PCDHGA4: variants seen among roughly 807,000 people sequenced by gnomAD.
PCDHGA4 encodes protocadherin gamma-A4.
Under a neutral mutation model 54.6 loss-of-function variants are expected in PCDHGA4, and 38 were observed. The ratio of observed to expected loss-of-function variants is 0.70; its 90% CI spans 0.54 to 0.91. PCDHGA4 has a LOEUF of 0.91. PCDHGA4 is among the 40% of genes least tolerant of loss of function. PCDHGA4 has a pLI of 0.00. For synonymous variants in PCDHGA4, 511 were observed against 512.9 expected, an observed-to-expected ratio of 1.00 and a Z score of 0.05; for missense variants, 1,298 against 1,220.9, an observed-to-expected ratio of 1.06 and a Z score of -0.94.
At chr5:141,482,852 A>G (rs1237049208) in intron 1 of PCDHGA4, among the ~76,000 whole-genome samples, 1 of 144,420 alleles carries the variant, frequency 6.9e-6, no homozygotes, top group Non-Finnish European at 1.5e-5. Flanking sequence ...TGGGCAGATC[A>G]CTTGAGGTCA....
Position 141,485,447 on chromosome 5 carries a change from C to G in PCDHGA4, c.2515-9360C>G, listed in dbSNP as rs1233800346. 6.2e-7 allele frequency: 1 copy of G among 1,614,144 alleles called. No individual in the cohort carries two copies. The highest frequency in any genetic ancestry group is 8.5e-7 in the Non-Finnish European group (1 of 1,180,036). On this transcript the variant is annotated intron_variant, in intron 1 of 3. Transcript: ENST00000571252. This position sits in a 1 kb window ranked among gnomAD's most constrained non-coding sequence, Gnocchi z 5.7. ...CCTGCTCATCAAGAACCCAATCGAC[C>G]GAGAGGCACTGTGTGGGCTCAGTGC... is the stretch of plus-strand genomic sequence containing the variant.
intron 1 of PCDHGA4, among the ~76,000 whole-genome samples, chr5:141,479,935 A>C (rs1226362422): frequency 1.3e-5 from 2 of 152,232 alleles, no homozygotes. Context: ...CATCATTGCT[A>C]TCAACTCTTG....
chr5:141,384,870 C>T lies in PCDHGA4; in HGVS notation c.2514+27249C>T, dbSNP rs573213865. 2.6e-5 allele frequency: 42 copies of T among 1,613,806 alleles called. No homozygotes were observed. The Admixed American group carries it at 4.7e-4, about 18-fold the overall frequency. Reference sequence around the variant, plus strand: ...ACGGTCAGCCTCCTCTGTCAGCCACCGTCACACTCACCGTGGCTGTGGCTG... The same window carrying T: ...ACGGTCAGCCTCCTCTGTCAGCCACTGTCACACTCACCGTGGCTGTGGCTG... On this transcript the variant is annotated intron_variant, in intron 1 of 3. Coordinates refer to ENST00000571252, the MANE Select transcript of PCDHGA4 (RefSeq NM_018917.4).
Position 141,432,771 on chromosome 5 carries a change from T to G in PCDHGA4, c.2515-62036T>G. The G allele has an allele frequency of 6.2e-7, 1 of 1,614,006 alleles. No homozygotes were observed. The highest frequency in any genetic ancestry group is 8.5e-7 in the Non-Finnish European group (1 of 1,179,966). On this transcript the variant is annotated intron_variant, in intron 1 of 3. Coordinates refer to ENST00000571252, the MANE Select transcript of PCDHGA4 (RefSeq NM_018917.4). This position sits in a 1 kb window ranked among gnomAD's most constrained non-coding sequence, Gnocchi z 6.0. ...GCCGTGGCCGACAGCATCCCCCAAG[T>G]CCTGGCGGACCTCGGCAGCCTCGAG...
At chr5:141,484,880 T>G (rs1258072805) in intron 1 of PCDHGA4, 3 of 336,846 alleles carry the variant, frequency 8.9e-6, no homozygotes, top group Admixed American at 9.2e-5. Flanking sequence ...GAGGATAGGG[T>G]GGGCTTTTTC....
chr5:141,462,652 A>T (rs201168659), intron 1 of PCDHGA4, among the ~76,000 whole-genome samples: 1 of 80,348 alleles, frequency 1.2e-5, no homozygotes, highest in African/African-American at 7.4e-5. Flanking sequence ...TTCCATCCTC[A>T]ATTATCTTCA....
At chr5:141,371,659 T>A (rs762117464) in intron 1 of PCDHGA4, 4 of 1,613,850 alleles carry the variant, frequency 2.5e-6, no homozygotes. Flanking sequence ...AATGTGACGA[T>A]CACAGCTACC....
rs763187246 is a variant in PCDHGA4 at position 141,477,168 on chromosome 5, A to G, written c.2515-17639A>G. ...GTGGATGTGAATGACAACGCCCCGGAGATCACAGTCACCTCCGTGTACAGC... is the reference window on the plus strand; with the variant it reads ...GTGGATGTGAATGACAACGCCCCGGGGATCACAGTCACCTCCGTGTACAGC... On this transcript the variant is annotated intron_variant, in intron 1 of 3. Transcript: ENST00000571252. The surrounding 1 kb of genome is among the most constrained non-coding windows in gnomAD (Gnocchi z 4.9). The G allele has an allele frequency of 6.2e-7, 1 of 1,614,210 alleles. No homozygotes were observed. Among genetic ancestry groups the G allele is most frequent in the Non-Finnish European group, 8.5e-7 (1 of 1,180,040 alleles).
chr5:141,419,461 C>T, intron 1 of PCDHGA4: 2 of 1,612,628 alleles, frequency 1.2e-6, no homozygotes, highest in Non-Finnish European at 1.7e-6. Flanking sequence ...CGCTGCAGGC[C>T]CGCGACCAGG....
Position 141,355,141 on chromosome 5 carries a change from G to GAAAA in PCDHGA4, c.34_35insAAAA (p.Ala12GlufsTer58). On this transcript the variant is annotated frameshift_variant, in exon 1 of 4. Coordinates refer to ENST00000571252, the MANE Select transcript of PCDHGA4 (RefSeq NM_018917.4). LOFTEE classifies it high-confidence loss of function. ...TATTTTGGACCCAGAAGATCCTGGGGCTCCTCAGGCCTCGACAGAGGGAAA... is the reference window on the plus strand; with the variant it reads ...TATTTTGGACCCAGAAGATCCTGGGGAAAACTCCTCAGGCCTCGACAGAGGGAAA... 1 of 1,526,010 alleles carries GAAAA rather than the reference G, an allele frequency of 6.6e-7. No individual in the cohort carries two copies. Among genetic ancestry groups the GAAAA allele is most frequent in the East Asian group, 2.3e-5 (1 of 44,152 alleles). The allele number at this position is 1,526,010 out of a possible 1,614,324, so 94.5% of individuals were successfully genotyped here.
intron 1 of PCDHGA4, among the ~76,000 whole-genome samples, chr5:141,448,451 C>T (rs1261733103): frequency 6.6e-6 from 1 of 152,032 alleles, no homozygotes; most frequent in Admixed American, 6.6e-5. Context: ...GACTTCCATC[C>T]CTATCCTACT....
Position 141,486,316 on chromosome 5 carries a change from A to G in PCDHGA4, c.2515-8491A>G, listed in dbSNP as rs1251956899. The G allele has an allele frequency of 6.2e-7, 1 of 1,614,066 alleles. No individual in the cohort carries two copies. On this transcript the variant is annotated intron_variant, in intron 1 of 3. Transcript: ENST00000571252. This position sits in a 1 kb window ranked among gnomAD's most constrained non-coding sequence, Gnocchi z 5.0. ...GTGTGCAGGATCCAGACTCAGGGTC[A>G]AACGGAGATGTGAGCCTCCGCATTC...
At chr5:141,362,151 G>C (rs570950443) in intron 1 of PCDHGA4, 5 of 1,614,026 alleles carry the variant, frequency 3.1e-6, no homozygotes, top group Middle Eastern at 1.7e-4. Flanking sequence ...AAGAGGTATT[G>C]CCAGACCTCA....
At chr5:141,394,748 C>T (rs960054108) in intron 1 of PCDHGA4, 1 of 1,613,414 alleles carries the variant, frequency 6.2e-7, no homozygotes, top group Non-Finnish European at 8.5e-7. Context: ...TCGTGGTGGC[C>T]GTCCAGGACC....
intron 1 of PCDHGA4, chr5:141,404,131 A>G (rs756505012): frequency 1.2e-6 from 2 of 1,613,162 alleles, no homozygotes; most frequent in South Asian, 2.2e-5. Context: ...TATCTTTTAC[A>G]TTAGAAAATT....
Position 141,355,153 on chromosome 5 carries a change from T to A in PCDHGA4, c.46T>A (p.Ser16Thr). 1.9e-6 allele frequency: 3 copies of A among 1,549,638 alleles called. No individual in the cohort carries two copies. Among genetic ancestry groups the A allele is most frequent in the Non-Finnish European group, 2.6e-6 (3 of 1,150,038 alleles). The change falls in exon 1 of 4, where the codon TCG becomes ACG. Residue 16 changes from serine (S) to threonine (T), a missense_variant. Coordinates refer to ENST00000571252, the MANE Select transcript of PCDHGA4 (RefSeq NM_018917.4). The part of the protein sequence containing the change: ...DPEDPGAPQA[S>T]TEGKPKHRRL... ...AGAAGATCCTGGGGCTCCTCAGGCC[T>A]CGACAGAGGGAAAACCGAAGCACAG...
chr5:141,360,755 T>A, intron 1 of PCDHGA4: 1 of 1,613,972 alleles, frequency 6.2e-7, no homozygotes, highest in Non-Finnish European at 8.5e-7. Flanking sequence ...GAGCACAGTT[T>A]ACATCAATTG....
intron 2 of PCDHGA4, among the ~76,000 whole-genome samples, chr5:141,497,865 A>G (rs1248242691): frequency 2.0e-5 from 3 of 152,168 alleles, no homozygotes; most frequent in Admixed American, 2.0e-4. Flanking sequence ...CAGCGGCTCC[A>G]AAGTGAAATA....
Position 141,355,592 on chromosome 5 carries a change from C to A in PCDHGA4, c.485C>A (p.Pro162His), listed in dbSNP as rs748609994. ...ATAATCGATGTTAATGATAACCCAC[C>A]CAGTTTTGGGACAGAACAGAGGGAA... is the stretch of plus-strand genomic sequence containing the variant. ...VEIIDVNDNP[P>H]SFGTEQREIK... The change falls in exon 1 of 4, where the codon CCC (proline) becomes CAC (histidine). Residue 162 changes from proline to histidine, a missense_variant. Physicochemically the swap from Pro to His is moderately conservative, Grantham distance 77 (BLOSUM62 -2). Coordinates refer to ENST00000571252, the MANE Select transcript of PCDHGA4 (RefSeq NM_018917.4). The A allele has an allele frequency of 2.5e-6, 4 of 1,613,844 alleles. No individual in the cohort carries two copies. The African/African-American group carries it at 5.3e-5, about 22-fold the overall frequency.
Sources: allele counts gnomAD v4.1 joint callset (sites outside exome capture counted in the v4.1 genomes callset), GRCh38; gene constraint gnomAD v4.1.1; non-coding constraint Gnocchi (gnomAD v3.1); transcripts MANE v1.5; gene names NCBI Gene and HGNC (gene_info 2026-07-23, HGNC 2026-07-21).